Variants in ALOX5AP observed in about 807,000 individuals in gnomAD.
ALOX5AP encodes the protein arachidonate 5-lipoxygenase-activating protein.
Under a neutral mutation model 18.5 loss-of-function variants are expected in ALOX5AP, and 9 were observed. The observed-to-expected ratio is 0.49, with a 90% CI of 0.29 to 0.85. The LOEUF (loss-of-function observed/expected upper bound fraction) is 0.85. Ranked by LOEUF, ALOX5AP falls within the 40% of genes least tolerant of loss-of-function variation. The probability of loss-of-function intolerance (pLI) is 0.08; values close to 1 mark genes in which losing one functional copy is unlikely to be tolerated. For missense variants in ALOX5AP, 172 were observed against 202.5 expected (o/e 0.85, Z 0.91); for synonymous variants, 81 against 78.6 (o/e 1.03, Z -0.16).
intron 1 of ALOX5AP, among the ~76,000 whole-genome samples, chr13:30,719,032 G>A (rs1951572149): frequency 6.6e-6 from 1 of 152,210 alleles, no homozygotes; most frequent in African/African-American, 2.4e-5. Flanking sequence ...TGTCAGCGCA[G>A]TGCAGGCTGT....
chr13:30,740,448 C>T (rs565231278), intron 1 of ALOX5AP, among the ~76,000 whole-genome samples: 1 of 152,334 alleles, frequency 6.6e-6, no homozygotes, highest in African/African-American at 2.4e-5. Context: ...CGGTTTGCAG[C>T]CATCTCTCTA....
At chr13:30,735,143 T>C (rs548359226), upstream of ALOX5AP, among the ~76,000 whole-genome samples, 1 of 152,224 alleles carries the variant, frequency 6.6e-6, no homozygotes, top group Non-Finnish European at 1.5e-5. Context: ...CCCAAAATGC[T>C]GGGGTTACAG....
intron 1 of ALOX5AP, among the ~76,000 whole-genome samples, chr13:30,735,917 G>C (rs971709820): frequency 6.6e-6 from 1 of 152,072 alleles, no homozygotes; most frequent in Non-Finnish European, 1.5e-5. Flanking sequence ...TTAGAGCCAG[G>C]GCTGCAACTT....
At chr13:30,746,138 G>T (rs1192536773) in intron 2 of ALOX5AP, among the ~76,000 whole-genome samples, 1 of 152,254 alleles carries the variant, frequency 6.6e-6, no homozygotes, top group Non-Finnish European at 1.5e-5. Context: ...CCAAATTGCA[G>T]AAGTGCCCTT....
upstream of ALOX5AP, among the ~76,000 whole-genome samples, chr13:30,732,584 A>T (rs1007019176): frequency 1.3e-5 from 2 of 152,150 alleles, no homozygotes; most frequent in African/African-American, 4.8e-5. Context: ...TTCTCCTGCC[A>T]TCTGGTTGAC....
intron 4 of ALOX5AP, among the ~76,000 whole-genome samples, chr13:30,759,462 G>T (rs4769876): frequency 6.6e-6 from 1 of 152,072 alleles, no homozygotes; most frequent in Non-Finnish European, 1.5e-5. Context: ...TACCTGCTCT[G>T]TGCCAGGTAC....
chr13:30,762,638 A>C (rs753783185), intron 4 of ALOX5AP, among the ~76,000 whole-genome samples: 3 of 152,132 alleles, frequency 2.0e-5, no homozygotes, highest in Non-Finnish European at 4.4e-5. Context: ...TATTATCAGC[A>C]TATGGGGTGC....
At chr13:30,752,810 C>G (rs1362195253) in intron 3 of ALOX5AP, among the ~76,000 whole-genome samples, 1 of 152,340 alleles carries the variant, frequency 6.6e-6, no homozygotes, top group East Asian at 1.9e-4. Context: ...ATTGTTGTCT[C>G]CCCGCTCTGT....
intron 2 of ALOX5AP, among the ~76,000 whole-genome samples, chr13:30,744,803 CTCT>C: frequency 6.6e-6 from 1 of 152,340 alleles, no homozygotes; most frequent in East Asian, 1.9e-4. Context: ...AAATGCTCCT[CTCT>C]TCTTTATGCA....
upstream of ALOX5AP, among the ~76,000 whole-genome samples, chr13:30,733,942 G>C (rs1351645211): frequency 1.3e-5 from 2 of 152,016 alleles, no homozygotes; most frequent in African/African-American, 4.8e-5. Context: ...TTCAGACTGG[G>C]TCTTGCACCA....
Position 30,764,128 on chromosome 13 carries a change from G to A in ALOX5AP, c.*22G>A, listed in dbSNP as rs766339670. 6.8e-6 allele frequency: 11 copies of A among 1,609,688 alleles called. No homozygotes were observed. In the East Asian group the frequency reaches 2.2e-4, roughly 33 times the overall value. ...CTAACTCTCTGCTGAATATGGGGTT[G>A]GTGTTCTCATCTAATCAATACCTAC... On this transcript the variant is annotated 3_prime_UTR_variant, in exon 5 of 5. Coordinates refer to ENST00000380490, the MANE Select transcript of ALOX5AP (RefSeq NM_001629.4).
chr13:30,744,264 T>G, intron 2 of ALOX5AP, 105 bp downstream of exon 2: 1 of 1,014,182 alleles, frequency 9.9e-7, no homozygotes, highest in Non-Finnish European at 1.5e-6. Context: ...CTGAGCCAAG[T>G]TTCTGAGCGC....
At chr13:30,720,470 T>C (rs1001991490) in intron 1 of ALOX5AP, among the ~76,000 whole-genome samples, 11 of 152,254 alleles carry the variant, frequency 7.2e-5, no homozygotes, top group African/African-American at 1.7e-4. Context: ...TGTAAGGGAA[T>C]GTGAGCATTT....
chr13:30,735,652 C>G lies in ALOX5AP; in HGVS notation c.47C>G (p.Thr16Ser). Residue 16 changes from threonine to serine, a missense_variant, in exon 1 of 5, where the codon ACC becomes AGC. Transcript: ENST00000380490. ...VGNVVLLAIVTLISVVQNGFF... is the reference protein window; with the variant it reads ...VGNVVLLAIVSLISVVQNGFF... ...AATGTTGTCCTGTTGGCCATCGTCA[C>G]CCTCATCAGCGTGGTCCAGAATGGT... 6.2e-7 allele frequency: 1 copy of G among 1,614,124 alleles called. No homozygotes were observed. Among genetic ancestry groups the G allele is most frequent in the Non-Finnish European group, 8.5e-7 (1 of 1,180,010 alleles).
intron 1 of ALOX5AP, among the ~76,000 whole-genome samples, chr13:30,738,902 G>C (rs79549449): frequency 3.0e-4 from 46 of 152,166 alleles, no homozygotes; most frequent in African/African-American, 1.1e-3. Context: ...GCTAAGGAGG[G>C]AAATGGAGCT....
intron 1 of ALOX5AP, among the ~76,000 whole-genome samples, chr13:30,720,414 A>G (rs1162505571): frequency 6.6e-6 from 1 of 152,252 alleles, no homozygotes; most frequent in Non-Finnish European, 1.5e-5. Flanking sequence ...TCTTTTAAAT[A>G]GACTTAATAC....
chr13:30,729,722 G>A (rs1321320961), intron 1 of ALOX5AP, among the ~76,000 whole-genome samples: 11 of 152,076 alleles, frequency 7.2e-5, no homozygotes, highest in African/African-American at 1.9e-4. Context: ...GATTGTAGGC[G>A]TGCACCACTA....
intron 3 of ALOX5AP, among the ~76,000 whole-genome samples, chr13:30,752,541 C>T (rs544919426): frequency 9.8e-5 from 15 of 152,338 alleles, no homozygotes; most frequent in East Asian, 5.8e-4. Flanking sequence ...CACTGAGCCA[C>T]GGGCTGGATG....
chr13:30,761,978 A>C (rs2137834527), intron 4 of ALOX5AP, among the ~76,000 whole-genome samples: 1 of 152,326 alleles, frequency 6.6e-6, no homozygotes, highest in East Asian at 1.9e-4. Flanking sequence ...TGGGATGTTT[A>C]TTTTCCCCCT....
Sources: allele counts gnomAD v4.1 joint callset (sites outside exome capture counted in the v4.1 genomes callset), GRCh38; gene constraint gnomAD v4.1.1; transcripts MANE v1.5; gene names NCBI Gene and HGNC (gene_info 2026-07-23, HGNC 2026-07-21).